The following TRIT1 variants were observed in gnomAD, a reference collection of about 807,000 sequenced individuals.
The protein encoded by TRIT1 is tRNA isopentenyltransferase 1.
TRIT1 carries 43 observed loss-of-function variants against 51.2 expected under a neutral mutation model. The observed-to-expected ratio is 0.84, with a 90% CI of 0.66 to 1.08. The LOEUF is 1.08. Ranked by LOEUF, TRIT1 falls within the 50% of genes least tolerant of loss-of-function variation. The pLI, the probability that TRIT1 is intolerant of heterozygous loss-of-function variation, is 0.00. For synonymous variants in TRIT1, 184 were observed against 203.9 expected, an observed-to-expected ratio of 0.90 and a Z score of 0.83; for missense variants, 528 against 578.4, an observed-to-expected ratio of 0.91 and a Z score of 0.89.
intron 10 of TRIT1, among the ~76,000 whole-genome samples, chr1:39,842,638 C>G (rs1161987181): frequency 6.6e-6 from 1 of 152,206 alleles, no homozygotes; most frequent in Non-Finnish European, 1.5e-5. Flanking sequence ...TAAGACAGTT[C>G]CCACCTTCTG....
chr1:39,854,763 T>C (rs560766731), intron 2 of TRIT1, among the ~76,000 whole-genome samples: 1 of 152,196 alleles, frequency 6.6e-6, no homozygotes, highest in Non-Finnish European at 1.5e-5. Context: ...TGTTTTTTCA[T>C]CTCTGCTACT....
At chr1:39,843,968 G>T in intron 10 of TRIT1, 133 bp downstream of exon 10, 1 of 550,770 alleles carries the variant, frequency 1.8e-6, no homozygotes. Context: ...TTGAGCACAG[G>T]CTCTTAGAGG....
intron 10 of TRIT1, 121 bp from the exon 11 acceptor site, chr1:39,842,034 C>T: frequency 8.9e-7 from 1 of 1,123,428 alleles, no homozygotes; most frequent in East Asian, 2.6e-5. Context: ...ACAGCAAGAT[C>T]AACACATGTA....
chr1:39,855,378 C>A (rs1226625382), intron 2 of TRIT1, among the ~76,000 whole-genome samples: 1 of 152,266 alleles, frequency 6.6e-6, no homozygotes, highest in Non-Finnish European at 1.5e-5. Context: ...TCTCTATTTC[C>A]CCCTTTAAAT....
chr1:39,850,039 GTTC>G, intron 5 of TRIT1, 77 bp downstream of exon 5: 1 of 1,484,124 alleles, frequency 6.7e-7, no homozygotes, highest in East Asian at 2.3e-5. Context: ...GCCACCCATG[GTTC>G]TCAGCATTTT....
At chr1:39,866,520 T>C (rs1643565741) in intron 1 of TRIT1, among the ~76,000 whole-genome samples, 1 of 152,238 alleles carries the variant, frequency 6.6e-6, no homozygotes, top group Admixed American at 6.5e-5. Context: ...TGACTCACTT[T>C]ACTTTTTTAA....
chr1:39,882,065 T>C (rs6674862), intron 1 of TRIT1, among the ~76,000 whole-genome samples: 3,947 of 152,318 alleles, frequency 0.026, 187 homozygotes, highest in African/African-American at 0.091. Context: ...CATTTAATCA[T>C]CACAATAATG....
chr1:39,879,382 C>T (rs1420189577), intron 1 of TRIT1, among the ~76,000 whole-genome samples: 1 of 152,134 alleles, frequency 6.6e-6, no homozygotes, highest in Non-Finnish European at 1.5e-5. Flanking sequence ...CAGACACTTT[C>T]ATGTTCAGAC....
At chr1:39,857,703 T>C (rs1642981248) in intron 1 of TRIT1, among the ~76,000 whole-genome samples, 1 of 152,248 alleles carries the variant, frequency 6.6e-6, no homozygotes, top group Non-Finnish European at 1.5e-5. Flanking sequence ...AAACGAATTC[T>C]GCATGGCCAG....
At chr1:39,854,914 T>C (rs1234365054) in intron 2 of TRIT1, among the ~76,000 whole-genome samples, 2 of 151,000 alleles carry the variant, frequency 1.3e-5, no homozygotes, top group Non-Finnish European at 3.0e-5. Context: ...CGAAAACAGT[T>C]CACTGCAGCC....
At chr1:39,849,605 T>C (rs1306112229) in intron 5 of TRIT1, among the ~76,000 whole-genome samples, 2 of 152,248 alleles carry the variant, frequency 1.3e-5, no homozygotes, top group African/African-American at 4.8e-5. Context: ...GGAAAGGCAC[T>C]GTCTCTTCAA....
chr1:39,876,724 T>C (rs1644068868), intron 1 of TRIT1, among the ~76,000 whole-genome samples: 1 of 151,782 alleles, frequency 6.6e-6, no homozygotes, highest in African/African-American at 2.4e-5. Context: ...GTCAGGAGAT[T>C]GAGACCATCC....
rs763781395 is a variant in TRIT1 at position 39,841,127 on chromosome 1, T to C, written c.*617A>G. 6.6e-6 allele frequency: 1 copy of C among 152,196 alleles called. No homozygotes were observed. Among genetic ancestry groups the C allele is most frequent in the Non-Finnish European group, 1.5e-5 (1 of 68,036 alleles). The allele number at this position is 152,196 out of a possible 1,614,324, so 9.4% of individuals were successfully genotyped here. The stretch of plus-strand genomic sequence containing the variant: ...CTCAATAGAAAGACAGCAGTGATAA[T>C]AACTCACACATGAGCAGCTCGCAAA... On this transcript the variant is annotated 3_prime_UTR_variant, in exon 11 of 11. Coordinates refer to ENST00000316891, the MANE Select transcript of TRIT1 (RefSeq NM_017646.6).
At chr1:39,883,296 C>T (rs145561009) in intron 1 of TRIT1, 22 bp downstream of exon 1, 21,679 of 1,588,372 alleles carry the variant, frequency 0.014, 186 homozygotes, top group South Asian at 0.022. Flanking sequence ...CCCAGGCGCC[C>T]GGGCCAGCCG....
chr1:39,871,039 C>T (rs1359921346), intron 1 of TRIT1, among the ~76,000 whole-genome samples: 1 of 152,042 alleles, frequency 6.6e-6, no homozygotes, highest in East Asian at 1.9e-4. Flanking sequence ...ACTAAAAATA[C>T]AAAATTAGCT....
intron 8 of TRIT1, 28 bp from the exon 9 acceptor site, chr1:39,844,668 AG>A (rs758132161): frequency 5.2e-6 from 8 of 1,546,896 alleles, no homozygotes; most frequent in Non-Finnish European, 6.3e-6. Context: ...AGGTTGTGAG[AG>A]GTCAGCCTCA....
At chr1:39,861,299 C>T (rs1017047958) in intron 1 of TRIT1, among the ~76,000 whole-genome samples, 1 of 152,098 alleles carries the variant, frequency 6.6e-6, no homozygotes, top group Non-Finnish European at 1.5e-5. Flanking sequence ...AAGACTGAGG[C>T]AGACCCAGGA....
At chr1:39,848,873 A>G (rs368109138) in intron 5 of TRIT1, among the ~76,000 whole-genome samples, 26 of 151,818 alleles carry the variant, frequency 1.7e-4, no homozygotes, top group South Asian at 6.3e-4. Context: ...TGAGCCAAGC[A>G]AAGGAGCAAA....
At position 39,848,014 on chromosome 1, in the gene TRIT1, A is replaced by G; in HGVS notation, c.787T>C (p.Tyr263His). 1 of 1,614,192 alleles carries G rather than the reference A, an allele frequency of 6.2e-7. No individual in the cohort carries two copies. Among genetic ancestry groups the G allele is most frequent in the Non-Finnish European group, 8.5e-7 (1 of 1,180,036 alleles). The change falls in exon 6 of 11, where the codon TAT (tyrosine) becomes CAT (histidine). Residue 263 changes from tyrosine (Y) to histidine (H), a missense_variant. Physicochemically the swap from Tyr to His is moderately conservative, Grantham distance 83. Coordinates refer to ENST00000316891, the MANE Select transcript of TRIT1 (RefSeq NM_017646.6). ...TTTTCCGAAACATTCTTCTGATTATAGCGTCTGTGAAAATCTCTTAGTTCC... is the reference window on the plus strand; with the variant it reads ...TTTTCCGAAACATTCTTCTGATTATGGCGTCTGTGAAAATCTCTTAGTTCC... ...LEELRDFHRRYNQKNVSENSQ... is the reference protein window; with the variant it reads ...LEELRDFHRRHNQKNVSENSQ...
Sources: gnomAD v4.1 joint callset for allele counts (sites outside exome capture counted in the v4.1 genomes callset) on GRCh38, gnomAD v4.1.1 for gene constraint, MANE v1.5 for transcripts, NCBI Gene and HGNC (gene_info 2026-07-23, HGNC 2026-07-21) for gene names.